The following FAM186A variants were observed in gnomAD, a reference collection of about 807,000 sequenced individuals.
FAM186A encodes family with sequence similarity 186 member A.
FAM186A carries 163 observed loss-of-function variants against 216.8 expected under a neutral mutation model. The observed-to-expected ratio is 0.75, with a 90% CI of 0.66 to 0.86. The LOEUF is 0.86. FAM186A is among the 40% of genes least tolerant of loss of function. FAM186A has a pLI of 0.00. For synonymous variants in FAM186A, 805 were observed against 1,025.3 expected, an observed-to-expected ratio of 0.79 and a Z score of 4.10; for missense variants, 2,184 against 2,746.2, an observed-to-expected ratio of 0.80 and a Z score of 4.58.
At chr12:50,346,228 A>G (rs4768968) in intron 4 of FAM186A, among the ~76,000 whole-genome samples, 24,875 of 62,712 alleles carry the variant, frequency 0.4, 5,268 homozygotes, top group South Asian at 0.56. Context: ...AAGGAAAGAA[A>G]GAAAGAAAAA....
chr12:50,367,972 C>G (rs1181789887), intron 1 of FAM186A, among the ~76,000 whole-genome samples: 2 of 151,958 alleles, frequency 1.3e-5, no homozygotes, highest in African/African-American at 2.4e-5. Flanking sequence ...ATGGTGAAAC[C>G]CTGTGTCTAC....
Position 50,350,687 on chromosome 12 carries a change from A to G in FAM186A, c.6145T>C (p.Ser2049Pro), listed in dbSNP as rs912745717. ...GATGTTCTGAGTAGAGTAGTGAGAG[A>G]AGATGGTGATGTTGTTGGCTTCATG... is the stretch of plus-strand genomic sequence containing the variant. Reference protein sequence around the residue: ...TLMKPTTSPSSLTTLLRTSQI... With the variant: ...TLMKPTTSPSPLTTLLRTSQI... Residue 2049 changes from serine (S) to proline (P), a missense_variant, in exon 4 of 8, where the codon TCT becomes CCT. Ser to Pro is a moderately conservative substitution (Grantham distance 74, BLOSUM62 -1). Transcript: ENST00000327337. The G allele has an allele frequency of 5.2e-6, 8 of 1,551,416 alleles. No individual in the cohort carries two copies. In the African/African-American group the frequency reaches 1.1e-4, roughly 21 times the overall value.
intron 4 of FAM186A, among the ~76,000 whole-genome samples, chr12:50,347,698 C>G (rs1030818757): frequency 6.6e-6 from 1 of 151,644 alleles, no homozygotes; most frequent in Non-Finnish European, 1.5e-5. Flanking sequence ...AAAAATTCCC[C>G]GAAATAATAG....
chr12:50,396,356 G>A lies in FAM186A; in HGVS notation c.129C>T (p.Ile43=). 6.4e-7 allele frequency: 1 copy of A among 1,551,638 alleles called. No individual in the cohort carries two copies. The highest frequency in any genetic ancestry group is 2.4e-5 in the East Asian group (1 of 40,918). The stretch of plus-strand genomic sequence containing the variant: ...AGATGATATCCTTTACTGAGAATGG[G>A]ATCTCAAGGTTAGGGAGCATCAAAG... ...LSPLMLPNLE[I]PFSVKDIISR... is the part of the protein sequence containing the mutation. Residue 43 remains isoleucine (I), a synonymous_variant, in exon 1 of 8, where the codon ATC becomes ATT. Transcript: ENST00000327337.
At position 50,363,200 on chromosome 12, in the gene FAM186A, A is replaced by T. The variant is rs1362180989; in HGVS notation, c.357T>A (p.Thr119=). The T allele has an allele frequency of 3.9e-6, 6 of 1,551,504 alleles. No individual in the cohort carries two copies. In the East Asian group the frequency reaches 1.5e-4, roughly 38 times the overall value. Residue 119 remains threonine (T), a synonymous_variant, in exon 2 of 8, where the codon ACT becomes ACA. Coordinates refer to ENST00000327337, the MANE Select transcript of FAM186A (RefSeq NM_001145475.3). ...CAAGAGTCTTTTCTCTTATTTCAAT[A>T]GTCTTAGCGTAAGTAGCCATTTTCT... ...FLEKMATYAK[T]IEIREKTLAN... is the part of the protein sequence containing the mutation.
rs1942969467 is a variant in FAM186A, at chr12:50,355,800, C to A, written c.1032G>T (p.Leu344Phe). The A allele has an allele frequency of 2.6e-6, 4 of 1,551,650 alleles. No homozygotes were observed. The highest frequency in any genetic ancestry group is 2.0e-5 in the Admixed American group (1 of 50,996). ...KIVIEQLYAK[L>F]STSSTLKVLP... Reference sequence around the variant, plus strand: ...ACACTTTCAAGGTTGATGATGTGGACAATTTTGCATATAGTTGTTCTATAA... The same window carrying A: ...ACACTTTCAAGGTTGATGATGTGGAAAATTTTGCATATAGTTGTTCTATAA... Residue 344 changes from leucine to phenylalanine, a missense_variant, in exon 4 of 8, where the codon TTG (leucine) becomes TTT (phenylalanine). Leu to Phe is a conservative substitution (Grantham distance 22). Transcript: ENST00000327337.
intron 1 of FAM186A, among the ~76,000 whole-genome samples, chr12:50,370,081 A>ACG (rs1943128703): frequency 3.2e-5 from 4 of 124,544 alleles, no homozygotes; most frequent in Non-Finnish European, 6.4e-5. Context: ...CAGAGATTGC[A>ACG]CCACTGCACC....
Position 50,363,303 on chromosome 12 carries a change from G to A in FAM186A, c.254C>T (p.Thr85Ile), listed in dbSNP as rs1179057645. The change falls in exon 2 of 8, where the codon ACT becomes ATT. Residue 85 changes from threonine (T) to isoleucine (I), a missense_variant. Coordinates refer to ENST00000327337, the MANE Select transcript of FAM186A (RefSeq NM_001145475.3). ...NNVHRIMTRY[T>I]LVFNSSSERN... Reference sequence around the variant, plus strand: ...TTCAGAGGACGAGTTAAAAACAAGAGTATAGCGAGTCATTATCCGATGCAC... The same window carrying A: ...TTCAGAGGACGAGTTAAAAACAAGAATATAGCGAGTCATTATCCGATGCAC... The A allele has an allele frequency of 1.3e-6, 2 of 1,551,522 alleles. No homozygotes were observed. The highest frequency in any genetic ancestry group is 1.7e-6 in the Non-Finnish European group (2 of 1,146,950).
Position 50,350,401 on chromosome 12 carries a change from A to G in FAM186A, c.6431T>C (p.Leu2144Pro). 6.4e-7 allele frequency: 1 copy of G among 1,551,458 alleles called. No homozygotes were observed. The highest frequency in any genetic ancestry group is 8.7e-7 in the Non-Finnish European group (1 of 1,146,952). Residue 2144 changes from leucine to proline, a missense_variant, in exon 4 of 8, where the codon CTT becomes CCT. By Grantham distance (98) the Leu-to-Pro change is moderately conservative. Around this residue, in one of 7 missense-constraint regions of FAM186A, gnomAD observed 721 missense variants for 816.4 expected, o/e 0.88. Coordinates refer to ENST00000327337, the MANE Select transcript of FAM186A (RefSeq NM_001145475.3). ...TMARTLIIEILHMDTVQLGYL... is the reference protein window; with the variant it reads ...TMARTLIIEIPHMDTVQLGYL... ...TCCCAACTGAACTGTGTCCATATGA[A>G]GTATCTCAATTATGAGAGTCCTAGC...
At chr12:50,342,600 G>A (rs1364133247) in intron 4 of FAM186A, among the ~76,000 whole-genome samples, 5 of 149,170 alleles carry the variant, frequency 3.4e-5, no homozygotes, top group African/African-American at 4.9e-5. Context: ...TCAGCCTCCC[G>A]AGTAGCTGGG....
rs1942932006 is a variant in FAM186A at position 50,353,406 on chromosome 12, A to T, written c.3426T>A (p.Val1142=). 1 of 1,371,248 alleles carries T rather than the reference A, an allele frequency of 7.3e-7. No homozygotes were observed. Among genetic ancestry groups the T allele is most frequent in the East Asian group, 3.5e-5 (1 of 28,290 alleles). 84.9% of individuals were successfully genotyped at this position (1,371,248 alleles called of 1,614,324 possible). Residue 1142 remains valine (V), a synonymous_variant, in exon 4 of 8, where the codon GTT becomes GTA. Coordinates refer to ENST00000327337, the MANE Select transcript of FAM186A (RefSeq NM_001145475.3). The stretch of plus-strand genomic sequence containing the variant: ...GCTGAGGGGTGAGAGTGATCCCTTG[A>T]ACCTGGGTCTGCTGAGGGGTGAGAG... ...GIPLTPQQTQ[V]QGITLTPQQD...
chr12:50,370,902 C>T (rs531046492), intron 1 of FAM186A, among the ~76,000 whole-genome samples: 19 of 151,858 alleles, frequency 1.3e-4, no homozygotes, highest in East Asian at 1.2e-3. Context: ...TTTGAGACCA[C>T]GCTGGCCAAC....
chr12:50,391,792 G>C (rs545404968), intron 1 of FAM186A, among the ~76,000 whole-genome samples: 1 of 152,112 alleles, frequency 6.6e-6, no homozygotes, highest in Non-Finnish European at 1.5e-5. Context: ...TTTTTAAAAT[G>C]AACATTTACT....
intron 4 of FAM186A, among the ~76,000 whole-genome samples, 188 bp from the exon 5 acceptor site, chr12:50,334,291 C>T (rs1942686428): frequency 6.6e-6 from 1 of 151,752 alleles, no homozygotes; most frequent in African/African-American, 2.4e-5. Context: ...CCTGCCTCAG[C>T]TTCCTGAGTA....
rs536097130 is a variant in FAM186A at position 50,350,766 on chromosome 12, A to G, written c.6066T>C (p.Tyr2022=). The stretch of plus-strand genomic sequence containing the variant: ...AAGGGGTTTGGTATACTGGTGTCCT[A>G]TATTTGGTGAAATGGGACTGAAATG... ...FRTFQSHFTK[Y]RTPVYQTPYT... is the part of the protein sequence containing the mutation. The change falls in exon 4 of 8, where the codon TAT becomes TAC. Residue 2022 remains tyrosine (Y), a synonymous_variant. Transcript: ENST00000327337. 1.0e-5 allele frequency: 16 copies of G among 1,551,654 alleles called. No homozygotes were observed. Among genetic ancestry groups the G allele is most frequent in the African/African-American group, 1.4e-5 (1 of 73,142 alleles).
chr12:50,393,156 G>T (rs974748636), intron 1 of FAM186A, among the ~76,000 whole-genome samples: 3 of 151,772 alleles, frequency 2.0e-5, no homozygotes, highest in African/African-American at 4.8e-5. Context: ...TCGATCTCCC[G>T]ACCTCGTGAT....
chr12:50,350,627 G>A lies in FAM186A; in HGVS notation c.6205C>T (p.Arg2069Ter), dbSNP rs770526757. 7 of 1,551,430 alleles carry A rather than the reference G, an allele frequency of 4.5e-6. No homozygotes were observed. The Middle Eastern group carries it at 5.0e-4, about 111-fold the overall frequency. The change falls in exon 4 of 8, where the codon CGA (arginine) becomes TGA (stop). Residue 2069 changes from arginine (R) to a stop codon, truncating the protein, a stop_gained. Transcript: ENST00000327337. LOFTEE classifies it high-confidence loss of function. ...CAGGGCTTGTCTATAGGAGGGAATC[G>A]GGATTTCTGGTACCATTCCAAAGGT... ...ISPLEWYQKSRFPPIDKPWIL... is the reference protein window; with the variant it reads ...ISPLEWYQKS
Position 50,353,719 on chromosome 12 carries a change from T to C in FAM186A, c.3113A>G (p.Asn1038Ser), listed in dbSNP as rs773435964. ...EFQRNLKTLE[N>S]LPDEKEPISI... ...TATGGGCTCCTTTTCATCAGGAAGG[T>C]TCTCTAATGTCTTCAGATTCCTCTG... Residue 1038 changes from asparagine (N) to serine (S), a missense_variant, in exon 4 of 8, where the codon AAC becomes AGC. This residue lies in a region of FAM186A where 1,132 missense variants were observed against 1,263.4 expected (regional missense o/e 0.90). Transcript: ENST00000327337. 1.3e-6 allele frequency: 2 copies of C among 1,544,680 alleles called. No individual in the cohort carries two copies. The highest frequency in any genetic ancestry group is 2.4e-5 in the South Asian group (2 of 82,746).
In FAM186A at chr12:50,396,421, A is replaced by C. The variant is rs1295749798; in HGVS notation, c.64T>G (p.Ser22Ala). 1 of 1,551,472 alleles carries C rather than the reference A, an allele frequency of 6.4e-7. No individual in the cohort carries two copies. Among genetic ancestry groups the C allele is most frequent in the Non-Finnish European group, 8.7e-7 (1 of 1,146,992 alleles). Residue 22 changes from serine (S) to alanine (A), a missense_variant, in exon 1 of 8, where the codon TCC becomes GCC. Physicochemically the swap from Ser to Ala is moderately conservative, Grantham distance 99. Around this residue, in one of 7 missense-constraint regions of FAM186A, gnomAD observed 1,132 missense variants for 1,263.4 expected, o/e 0.90. Coordinates refer to ENST00000327337, the MANE Select transcript of FAM186A (RefSeq NM_001145475.3). ...DPESEKCIKD[S>A]TIMRREPQNI... is the part of the protein sequence containing the mutation. ...TGGGGCTCTCTTCTCATGATGGTGG[A>C]ATCCTTGATGCATTTTTCTGATTCA...
Sources: gnomAD v4.1 joint callset for allele counts (sites outside exome capture counted in the v4.1 genomes callset) on GRCh38, gnomAD v4.1.1 for gene constraint, gnomAD v4.1.1 regional missense constraint, MANE v1.5 for transcripts, NCBI Gene and HGNC (gene_info 2026-07-23, HGNC 2026-07-21) for gene names.